Variants in IL1RAPL1 observed in about 807,000 individuals in gnomAD.
IL1RAPL1 encodes interleukin-1 receptor accessory protein-like 1.
Under a neutral mutation model 48.4 loss-of-function variants are expected in IL1RAPL1, and 3 were observed. That is an observed-to-expected ratio of 0.06 (90% CI 0.03 to 0.16). IL1RAPL1 has a LOEUF of 0.16. Ranked by LOEUF, IL1RAPL1 falls within the 10% of genes least tolerant of loss-of-function variation. The pLI, the probability that IL1RAPL1 is intolerant of heterozygous loss-of-function variation, is 1.00. For missense variants in IL1RAPL1, 349 were observed against 530.6 expected (o/e 0.66, Z 3.36); for synonymous variants, 185 against 187.7 (o/e 0.99, Z 0.12).
At chrX:29,618,788 A>T (rs1000046744) in intron 5 of IL1RAPL1, among the ~76,000 whole-genome samples, 1 of 111,940 alleles carries the variant, frequency 8.9e-6, no homozygotes, top group Non-Finnish European at 1.9e-5. Context: ...TAGGATCTGG[A>T]TATCTTTGGG....
chrX:29,296,323 T>C (rs764390738), intron 3 of IL1RAPL1, among the ~76,000 whole-genome samples: 16 of 111,510 alleles, frequency 1.4e-4, no homozygotes, highest in Non-Finnish European at 2.6e-4. Context: ...GAAGAAATTC[T>C]GGGTGGGATG....
intron 2 of IL1RAPL1, among the ~76,000 whole-genome samples, chrX:28,956,168 CAG>C (rs1216857688): frequency 9.3e-6 from 1 of 107,990 alleles, no homozygotes; most frequent in Admixed American, 1.0e-4. Context: ...TGGGCTGAGA[CAG>C]TGGGGTTTTC....
intron 2 of IL1RAPL1, among the ~76,000 whole-genome samples, chrX:29,058,253 T>G (rs768877234): frequency 1.8e-5 from 2 of 110,616 alleles, no homozygotes; most frequent in African/African-American, 3.3e-5. Flanking sequence ...GGCACACACC[T>G]GTAGTCCCAG....
Position 28,727,681 on chromosome X carries a change from T to C in IL1RAPL1, c.-24-61639T>C, listed in dbSNP as rs1416099544. ...ATATTGGCTGTGGGTTTGTCATAGA[T>C]AGCTCTTATTATTTTGAAATACATC... On this transcript the variant is annotated intron_variant, in intron 1 of 10. Coordinates refer to ENST00000378993, the MANE Select transcript of IL1RAPL1 (RefSeq NM_014271.4). 9.8e-3 allele frequency among the ~76,000 whole-genome samples: 1,043 copies of C among 105,909 alleles called. 5 individuals carry two copies. Among genetic ancestry groups the C allele is most frequent in the Non-Finnish European group, 0.014 (742 of 51,659 alleles). 92.0% of individuals were successfully genotyped at this position (105,909 alleles called of 115,157 possible). A position where few individuals can be genotyped will look rare whatever the true frequency, so the allele number is the denominator to read the frequency against.
intron 2 of IL1RAPL1, among the ~76,000 whole-genome samples, chrX:29,163,765 C>G (rs773910588): frequency 2.5e-3 from 277 of 111,159 alleles, no homozygotes; most frequent in Middle Eastern, 4.6e-3. Flanking sequence ...TACTGTTCAT[C>G]TAGTAATTTG....
intron 1 of IL1RAPL1, among the ~76,000 whole-genome samples, chrX:28,725,457 C>T (rs913649261): frequency 6.3e-5 from 7 of 110,840 alleles, no homozygotes; most frequent in Middle Eastern, 4.3e-3. Flanking sequence ...TTATTATTAC[C>T]GGGTAATTAT....
At chrX:28,616,056 G>A (rs1237016868) in intron 1 of IL1RAPL1, among the ~76,000 whole-genome samples, 1 of 112,436 alleles carries the variant, frequency 8.9e-6, no homozygotes, top group Admixed American at 9.4e-5. Context: ...CCAATTCCTC[G>A]TTTTTATTAT....
chrX:29,886,187 G>A (rs771217188), intron 6 of IL1RAPL1, among the ~76,000 whole-genome samples: 1 of 112,195 alleles, frequency 8.9e-6, no homozygotes, highest in Admixed American at 9.5e-5. Flanking sequence ...ATTTAACTCA[G>A]TGTTTCAAAA....
chrX:28,760,586 A>G (rs895699673), intron 1 of IL1RAPL1, among the ~76,000 whole-genome samples: 6 of 112,068 alleles, frequency 5.4e-5, no homozygotes, highest in African/African-American at 1.9e-4. Flanking sequence ...TAGCTGTATA[A>G]GAATAATGCT....
chrX:29,461,714 A>G (rs2147734142), intron 5 of IL1RAPL1, among the ~76,000 whole-genome samples: 1 of 112,351 alleles, frequency 8.9e-6, no homozygotes, highest in South Asian at 3.6e-4. Flanking sequence ...ATGCAAAGAC[A>G]TGGATTGATC....
In IL1RAPL1 at chrX:28,673,571, T is replaced by G. The variant is rs1409454834; in HGVS notation, c.-25+85524T>G. Among the ~76,000 whole-genome samples, 4 of 111,958 alleles carry G rather than the reference T, an allele frequency of 3.6e-5. No homozygotes were observed. In the East Asian group the frequency reaches 1.1e-3, roughly 32 times the overall value. ...TGGGTAGCACATTCAGTGGCTAATA[T>G]CTTAGTTTGAAGGGCATTTCCCTGG... On this transcript the variant is annotated intron_variant, in intron 1 of 10. Coordinates refer to ENST00000378993, the MANE Select transcript of IL1RAPL1 (RefSeq NM_014271.4).
At chrX:28,899,646 T>A (rs372204195) in intron 2 of IL1RAPL1, among the ~76,000 whole-genome samples, 3 of 112,023 alleles carry the variant, frequency 2.7e-5, no homozygotes, top group African/African-American at 9.7e-5. Context: ...AGCCATAAAC[T>A]TAGGAGTTGC....
At chrX:28,588,206 ATGTGTGTGTGTGTGTGTG>A (rs768348078) in intron 1 of IL1RAPL1, among the ~76,000 whole-genome samples, 159 bp downstream of exon 1, 6 of 49,925 alleles carry the variant, frequency 1.2e-4, no homozygotes, top group African/African-American at 5.1e-4. Flanking sequence ...GTGTGTTGAT[ATGTGTGTGTGTGTGTGTG>A]TGTGTGTGTG....
rs565575191 is a variant in IL1RAPL1 at position 28,618,057 on chromosome X, T to C, written c.-25+30010T>C. 8.0e-5 allele frequency among the ~76,000 whole-genome samples: 9 copies of C among 112,064 alleles called. No homozygotes were observed. The South Asian group carries it at 3.3e-3, about 42-fold the overall frequency. On this transcript the variant is annotated intron_variant, in intron 1 of 10. Coordinates refer to ENST00000378993, the MANE Select transcript of IL1RAPL1 (RefSeq NM_014271.4). ...TCCATTTTTCTTGAACCTACAGGGG[T>C]AAGTGAGCACTGCATGACAATATTG...
chrX:29,012,049 G>GT (rs1471662563), intron 2 of IL1RAPL1, among the ~76,000 whole-genome samples: 1 of 112,292 alleles, frequency 8.9e-6, no homozygotes, highest in African/African-American at 3.2e-5. Context: ...TGATGTGTCT[G>GT]TTATGTACAG....
intron 6 of IL1RAPL1, among the ~76,000 whole-genome samples, chrX:29,803,547 A>G (rs1055276731): frequency 1.0e-5 from 1 of 99,773 alleles, no homozygotes; most frequent in Non-Finnish European, 2.0e-5. Context: ...ATATATGTAT[A>G]TGTGTGTATA....
At chrX:29,014,088 A>G (rs866487544) in intron 2 of IL1RAPL1, among the ~76,000 whole-genome samples, 4 of 111,800 alleles carry the variant, frequency 3.6e-5, no homozygotes, top group Non-Finnish European at 5.6e-5. Flanking sequence ...CCACCACAAC[A>G]ATGCTCCTGC....
intron 5 of IL1RAPL1, among the ~76,000 whole-genome samples, chrX:29,408,751 T>C (rs768551700): frequency 8.9e-6 from 1 of 112,039 alleles, no homozygotes; most frequent in Admixed American, 9.5e-5. Context: ...CCTCTTTTAA[T>C]GGATGAGGAA....
chrX:28,678,497 A>G (rs929837351), intron 1 of IL1RAPL1, among the ~76,000 whole-genome samples: 3 of 111,899 alleles, frequency 2.7e-5, no homozygotes, highest in African/African-American at 9.7e-5. Flanking sequence ...CAAGAAAGGA[A>G]AAAAGTTTTA....
Sources: allele counts gnomAD v4.1 joint callset (sites outside exome capture counted in the v4.1 genomes callset), GRCh38; gene constraint gnomAD v4.1.1; transcripts MANE v1.5; gene names NCBI Gene and HGNC (gene_info 2026-07-23, HGNC 2026-07-21).